Variants in KCNN2 observed in about 807,000 individuals in gnomAD.
The protein encoded by KCNN2 is small conductance calcium-activated potassium channel protein 2.
A neutral mutation model predicts 55.5 loss-of-function variants in KCNN2; 24 were observed. That is an observed-to-expected ratio of 0.43 (90% CI 0.31 to 0.61). The LOEUF is 0.61. Among genes scored for constraint, KCNN2 ranks in the 20% least tolerant of loss-of-function variants. KCNN2 has a pLI of 0.08. For synonymous variants in KCNN2, 431 were observed against 336.1 expected, an observed-to-expected ratio of 1.28 and a Z score of -3.09; for missense variants, 754 against 853.6, an observed-to-expected ratio of 0.88 and a Z score of 1.45.
chr5:114,159,999 T>G (rs558536678), intron 1 of KCNN2, among the ~76,000 whole-genome samples: 1 of 152,166 alleles, frequency 6.6e-6, no homozygotes, highest in Admixed American at 6.5e-5. Flanking sequence ...GTGTCTCTGT[T>G]TCCTTCAGTT....
chr5:114,251,708 T>G (rs4705495), intron 2 of KCNN2, among the ~76,000 whole-genome samples: 125,954 of 152,054 alleles, frequency 0.83, 52,229 homozygotes, highest in East Asian at 0.88. Context: ...TTCTCACAAT[T>G]ACATTGTACT....
intron 1 of KCNN2, among the ~76,000 whole-genome samples, chr5:114,086,975 T>G (rs1013714912): frequency 5.3e-5 from 8 of 152,004 alleles, no homozygotes; most frequent in East Asian, 1.9e-4. Context: ...AGTAGCCATT[T>G]CTGATTGGTG....
At chr5:114,377,356 C>T (rs1757976273) in intron 2 of KCNN2, among the ~76,000 whole-genome samples, 1 of 152,162 alleles carries the variant, frequency 6.6e-6, no homozygotes, top group South Asian at 2.1e-4. Flanking sequence ...CTCTCTAATC[C>T]CCCTATGTGC....
In KCNN2 at chr5:114,292,180, A is replaced by G. The variant is rs768506007; in HGVS notation, c.-184-68765A>G. Among the ~76,000 whole-genome samples, 46 of 148,752 alleles carry G rather than the reference A, an allele frequency of 3.1e-4. 1 individual carries two copies. The South Asian group carries it at 6.6e-3, about 21-fold the overall frequency. On this transcript the variant is annotated intron_variant, in intron 2 of 10. Transcript: ENST00000512097. The stretch of plus-strand genomic sequence containing the variant: ...GATGGCAGTTTCTTTTGCTGTGCAG[A>G]AGCTCTTTAGTTTAATTAGATCCCA...
intron 2 of KCNN2, among the ~76,000 whole-genome samples, chr5:114,299,148 T>C (rs1014291119): frequency 6.6e-6 from 1 of 151,578 alleles, no homozygotes. Context: ...TCTTTGGTTT[T>C]CTTGTTCTTT....
chr5:114,437,028 A>C (rs1760028685), intron 3 of KCNN2, among the ~76,000 whole-genome samples: 1 of 151,774 alleles, frequency 6.6e-6, no homozygotes, highest in African/African-American at 2.4e-5. Context: ...TTATCTATAA[A>C]ATGTGTGTGT....
In KCNN2 at chr5:114,115,963, C is replaced by T. The variant is rs1449610663; in HGVS notation, c.-271+59463C>T. Among the ~76,000 whole-genome samples the T allele has an allele frequency of 2.0e-5, 3 of 152,020 alleles. No homozygotes were observed. In the East Asian group the frequency reaches 5.8e-4, roughly 29 times the overall value. The stretch of plus-strand genomic sequence containing the variant: ...GGCATACATGTAGATGAGAATGGGA[C>T]AGTAACAACAAAATTTAGGAGCTGA... On this transcript the variant is annotated intron_variant, in intron 1 of 10. Transcript: ENST00000512097.
chr5:114,056,545 A>T (rs1007356180), intron 1 of KCNN2: 1 of 396,352 alleles, frequency 2.5e-6, no homozygotes, highest in African/African-American at 2.1e-5. Context: ...CACAGATTTA[A>T]TGGGGACCAG....
chr5:114,371,955 C>A (rs892513371), intron 2 of KCNN2, among the ~76,000 whole-genome samples: 1 of 152,138 alleles, frequency 6.6e-6, no homozygotes, highest in Non-Finnish European at 1.5e-5. Flanking sequence ...CCCAGTGACA[C>A]GTAAAATTGT....
At chr5:114,252,913 C>T (rs1754900660) in intron 2 of KCNN2, among the ~76,000 whole-genome samples, 1 of 152,084 alleles carries the variant, frequency 6.6e-6, no homozygotes, top group Admixed American at 6.5e-5. Flanking sequence ...TTCCCTGACC[C>T]TCCCCACCAT....
At chr5:114,378,184 A>C (rs1453784922) in intron 2 of KCNN2, among the ~76,000 whole-genome samples, 6 of 152,032 alleles carry the variant, frequency 3.9e-5, no homozygotes, top group Admixed American at 3.3e-4. Flanking sequence ...TATAAAAAAA[A>C]CTTTTATTGG....
At position 114,123,652 on chromosome 5, in the gene KCNN2, C is replaced by T. The variant is rs1010230866; in HGVS notation, c.-271+67152C>T. Among the ~76,000 whole-genome samples, 9 of 151,192 alleles carry T rather than the reference C, an allele frequency of 6.0e-5. 3 individuals are homozygous for T. Among genetic ancestry groups the T allele is most frequent in the Admixed American group, 4.6e-4 (7 of 15,190 alleles). ...TGCTGGGATTACAGGCGTGAGCCAC[C>T]GCGCCCGGCCTCATTTTCTTAATTT... On this transcript the variant is annotated intron_variant, in intron 1 of 10. Transcript: ENST00000512097.
intron 2 of KCNN2, chr5:114,253,871 A>C (rs569609471): frequency 6.6e-6 from 1 of 152,170 alleles, no homozygotes; most frequent in African/African-American, 2.4e-5. Context: ...AGATTGTTAG[A>C]TGTATATTAA....
intron 1 of KCNN2, among the ~76,000 whole-genome samples, chr5:114,187,788 G>A (rs899677325): frequency 6.6e-6 from 1 of 150,814 alleles, no homozygotes; most frequent in Admixed American, 6.6e-5. Context: ...TGACAGGCAT[G>A]AGCCACCATG....
At chr5:114,242,352 A>G (rs1484123308) in intron 2 of KCNN2, among the ~76,000 whole-genome samples, 1 of 152,154 alleles carries the variant, frequency 6.6e-6, no homozygotes, top group Non-Finnish European at 1.5e-5. Flanking sequence ...CCTCATAAAA[A>G]TACTTGCAGC....
intron 2 of KCNN2, among the ~76,000 whole-genome samples, chr5:114,307,587 T>C (rs1277094820): frequency 6.6e-6 from 1 of 152,174 alleles, no homozygotes; most frequent in Non-Finnish European, 1.5e-5. Flanking sequence ...AGGAGACAAC[T>C]CTCACTGTGG....
rs372269473 is a variant in KCNN2 at position 114,496,194 on chromosome 5, T to C, written c.*12T>C. 10 of 1,611,248 alleles carry C rather than the reference T, an allele frequency of 6.2e-6. No individual in the cohort carries two copies. Among genetic ancestry groups the C allele is most frequent in the Non-Finnish European group, 8.5e-6 (10 of 1,178,324 alleles). On this transcript the variant is annotated 3_prime_UTR_variant, in exon 8 of 8. Transcript: ENST00000673685. The stretch of plus-strand genomic sequence containing the variant: ...CAGAGAGTAGCTAGAAGAGAATAAG[T>C]TAACCACAAAATAAGACTTTTTGCC...
chr5:114,095,478 C>G (rs1580507620), intron 1 of KCNN2, among the ~76,000 whole-genome samples: 1 of 152,276 alleles, frequency 6.6e-6, no homozygotes, highest in Non-Finnish European at 1.5e-5. Flanking sequence ...ATAACCTCAT[C>G]TCACTGGATC....
chr5:114,310,256 G>A (rs528257494), intron 2 of KCNN2, among the ~76,000 whole-genome samples: 2 of 152,256 alleles, frequency 1.3e-5, no homozygotes, highest in East Asian at 3.9e-4. Flanking sequence ...CGAGAGAGAT[G>A]GAGCCACCAT....
Sources: gnomAD v4.1 joint callset for allele counts (sites outside exome capture counted in the v4.1 genomes callset) on GRCh38, gnomAD v4.1.1 for gene constraint, MANE v1.5 for transcripts, NCBI Gene and HGNC (gene_info 2026-07-23, HGNC 2026-07-21) for gene names.